The following HDAC4 variants were observed in gnomAD, a reference collection of about 807,000 sequenced individuals.
The protein encoded by HDAC4 is histone deacetylase A.
Under a neutral mutation model 135.1 loss-of-function variants are expected in HDAC4, and 16 were observed. The ratio of observed to expected loss-of-function variants is 0.12; its 90% CI spans 0.08 to 0.18. The LOEUF is 0.18. Ranked by LOEUF, HDAC4 falls within the 10% of genes least tolerant of loss-of-function variation. The pLI is 1.00. For missense variants in HDAC4, 1,143 were observed against 1,511.8 expected (o/e 0.76, Z 4.05); for synonymous variants, 685 against 653.4 (o/e 1.05, Z -0.74).
intron 9 of HDAC4, among the ~76,000 whole-genome samples, chr2:239,136,849 T>C (rs1383484897): frequency 6.6e-6 from 1 of 152,182 alleles, no homozygotes; most frequent in Non-Finnish European, 1.5e-5. Flanking sequence ...GCCTTCTCAC[T>C]TAGGAGCAAA....
chr2:239,213,144 C>T (rs1377212986), intron 3 of HDAC4, among the ~76,000 whole-genome samples: 1 of 152,024 alleles, frequency 6.6e-6, no homozygotes, highest in Non-Finnish European at 1.5e-5. Context: ...TATGAGACGG[C>T]CACGATGCTG....
chr2:239,141,070 C>T lies in HDAC4; in HGVS notation c.866-1274G>A. The T allele has an allele frequency of 3.5e-6, 1 of 282,636 alleles. No individual in the cohort carries two copies. Among genetic ancestry groups the T allele is most frequent in the Non-Finnish European group, 7.8e-6 (1 of 128,516 alleles). 17.5% of individuals were successfully genotyped at this position (282,636 alleles called of 1,614,324 possible). A position where few individuals can be genotyped will look rare whatever the true frequency, so the allele number is the denominator to read the frequency against. ...GTTTGAGGAAGGTGCCATTATGACCCCGTTTCCCAGAAGAGGAGATGGAGG... is the reference window on the plus strand; with the variant it reads ...GTTTGAGGAAGGTGCCATTATGACCTCGTTTCCCAGAAGAGGAGATGGAGG... On this transcript the variant is annotated intron_variant, in intron 8 of 26. Coordinates refer to ENST00000543185, the MANE Select transcript of HDAC4 (RefSeq NM_001378414.1). The surrounding 1 kb of genome is among the most constrained non-coding windows in gnomAD (Gnocchi z 4.9).
Position 239,081,211 on chromosome 2 carries a change from A to C in HDAC4, c.2653-19T>G. The stretch of plus-strand genomic sequence containing the variant: ...TGCCCACCTGTGGCCAGAAGGAGAG[A>C]AACACACGTCATGGACCCCGAGCGG... On this transcript the variant is annotated intron_variant, in intron 21 of 26. Transcript: ENST00000543185. The C allele has an allele frequency of 6.2e-7, 1 of 1,602,786 alleles. No homozygotes were observed. The highest frequency in any genetic ancestry group is 2.2e-5 in the East Asian group (1 of 44,742).
At chr2:239,228,998 C>T (rs866830568) in intron 3 of HDAC4, among the ~76,000 whole-genome samples, 19 of 152,030 alleles carry the variant, frequency 1.2e-4, no homozygotes, top group South Asian at 8.3e-4. Context: ...AAAAACTAGC[C>T]GGGCGTGGTG....
intron 3 of HDAC4, among the ~76,000 whole-genome samples, chr2:239,233,476 C>T (rs1313008962): frequency 6.7e-6 from 1 of 149,532 alleles, no homozygotes; most frequent in Non-Finnish European, 1.5e-5. Flanking sequence ...AAAAAACAAA[C>T]CCAAAATCCA....
chr2:239,379,059 G>A (rs1695229554), intron 1 of HDAC4, among the ~76,000 whole-genome samples: 1 of 152,186 alleles, frequency 6.6e-6, no homozygotes, highest in South Asian at 2.1e-4. Context: ...GTGCCCTAGG[G>A]AAGGAGACAC....
rs1358511517 is a variant in HDAC4 at position 239,120,361 on chromosome 2, A to G, written c.1534-5051T>C. Among the ~76,000 whole-genome samples, 689 of 152,094 alleles carry G rather than the reference A, an allele frequency of 4.5e-3. 5 individuals carry two copies. Among genetic ancestry groups the G allele is most frequent in the African/African-American group, 0.015 (632 of 41,462 alleles). On this transcript the variant is annotated intron_variant, in intron 12 of 26. Transcript: ENST00000543185. ...GGCTCACATACAGATACATACACACACAGATACATATACCCGCAGAGGCAC... is the reference window on the plus strand; with the variant it reads ...GGCTCACATACAGATACATACACACGCAGATACATATACCCGCAGAGGCAC...
chr2:239,049,464 C>CAT lies in HDAC4; in HGVS notation c.*3631_*3632dup, dbSNP rs1342002721. ...TGTAGGAAACTTAAAAAAATATATT[C>CAT]ATATATATTTATATCTATATATTTA... On this transcript the variant is annotated 3_prime_UTR_variant, in exon 27 of 27. Transcript: ENST00000543185. 1.3e-5 allele frequency: 2 copies of CAT among 151,504 alleles called. No homozygotes were observed. The highest frequency in any genetic ancestry group is 2.9e-5 in the Non-Finnish European group (2 of 67,868). 9.4% of individuals were successfully genotyped at this position (151,504 alleles called of 1,614,324 possible).
chr2:239,247,585 G>A (rs549237826), intron 2 of HDAC4, among the ~76,000 whole-genome samples: 5 of 152,316 alleles, frequency 3.3e-5, no homozygotes, highest in African/African-American at 9.6e-5. Context: ...ACTCAGCAAC[G>A]AAAACCACTA....
intron 18 of HDAC4, among the ~76,000 whole-genome samples, chr2:239,088,862 T>C (rs1447531829): frequency 1.3e-5 from 2 of 151,736 alleles, no homozygotes; most frequent in Non-Finnish European, 2.9e-5. Context: ...GAGATGGGGG[T>C]GATATTAATG....
chr2:239,119,011 G>T (rs1264141281), intron 12 of HDAC4, among the ~76,000 whole-genome samples: 1 of 152,158 alleles, frequency 6.6e-6, no homozygotes, highest in Non-Finnish European at 1.5e-5. Flanking sequence ...GTGCAGCAGG[G>T]GCGCCGGGTG....
chr2:239,052,986 G>C lies in HDAC4; in HGVS notation c.*111C>G, dbSNP rs926714243. The C allele has an allele frequency of 6.9e-6, 9 of 1,298,872 alleles. No individual in the cohort carries two copies. Among genetic ancestry groups the C allele is most frequent in the African/African-American group, 1.5e-5 (1 of 68,678 alleles). The allele number at this position is 1,298,872 out of a possible 1,614,324, so 80.5% of individuals were successfully genotyped here. On this transcript the variant is annotated 3_prime_UTR_variant, in exon 27 of 27. Coordinates refer to ENST00000543185, the MANE Select transcript of HDAC4 (RefSeq NM_001378414.1). ...GGCTGTTGCACGCTGGGTGTCCCTG[G>C]GTGCTCCAAGAGAGCCCCACGGTGG...
intron 2 of HDAC4, among the ~76,000 whole-genome samples, chr2:239,301,168 A>AC (rs2052234435): frequency 6.6e-6 from 1 of 151,928 alleles, no homozygotes. Context: ...GCCGGGCACC[A>AC]CCCCCTTACT....
intron 2 of HDAC4, among the ~76,000 whole-genome samples, chr2:239,343,644 C>A (rs1051209431): frequency 7.9e-5 from 12 of 152,356 alleles, no homozygotes; most frequent in Non-Finnish European, 1.6e-4. Flanking sequence ...CCATCCCTCT[C>A]GTGGCATGAA....
At chr2:239,078,674 T>G (rs755759324) in intron 22 of HDAC4, among the ~76,000 whole-genome samples, 1 of 152,180 alleles carries the variant, frequency 6.6e-6, no homozygotes, top group Non-Finnish European at 1.5e-5. Context: ...GGCACGTTCA[T>G]CCTAAAGGCT....
rs1017344601 is a variant in HDAC4, at chr2:239,245,213, G to A, written c.23-8549C>T. Among the ~76,000 whole-genome samples the A allele has an allele frequency of 6.6e-6, 1 of 152,266 alleles. No homozygotes were observed. Among genetic ancestry groups the A allele is most frequent in the African/African-American group, 2.4e-5 (1 of 41,556 alleles). On this transcript the variant is annotated intron_variant, in intron 2 of 26. Coordinates refer to ENST00000543185, the MANE Select transcript of HDAC4 (RefSeq NM_001378414.1). This position sits in a 1 kb window ranked among gnomAD's most constrained non-coding sequence, Gnocchi z 4.4. ...AGTATTCCTGTTGTCTCTCCACTAA[G>A]AATCAAAACTAGCTGTAGCTGCCGG...
At chr2:239,336,074 C>T (rs531120632) in intron 2 of HDAC4, among the ~76,000 whole-genome samples, 1 of 152,128 alleles carries the variant, frequency 6.6e-6, no homozygotes, top group Non-Finnish European at 1.5e-5. Context: ...TACTATAAGC[C>T]ACAATATCAA....
chr2:239,214,872 G>A (rs2046541312), intron 3 of HDAC4, among the ~76,000 whole-genome samples: 3 of 152,208 alleles, frequency 2.0e-5, no homozygotes, highest in Admixed American at 2.0e-4. Context: ...GGAGTCAAGG[G>A]GACTCTTGGG....
intron 2 of HDAC4, among the ~76,000 whole-genome samples, chr2:239,327,541 C>T (rs2053506987): frequency 6.6e-6 from 1 of 152,222 alleles, no homozygotes; most frequent in African/African-American, 2.4e-5. Flanking sequence ...ATGAAACTCC[C>T]TTAAATTTGG....
Sources: allele counts gnomAD v4.1 joint callset (sites outside exome capture counted in the v4.1 genomes callset), GRCh38; gene constraint gnomAD v4.1.1; non-coding constraint Gnocchi (gnomAD v3.1); transcripts MANE v1.5; gene names NCBI Gene and HGNC (gene_info 2026-07-23, HGNC 2026-07-21).